Variants in ITGB4 observed in about 807,000 individuals in gnomAD.
The protein encoded by ITGB4 is integrin beta-4.
In ITGB4, 159 loss-of-function variants were observed where a neutral mutation model predicts 207.6. The observed-to-expected ratio is 0.77, with a 90% CI of 0.67 to 0.87. The LOEUF is 0.87. ITGB4 is among the 40% of genes least tolerant of loss of function. The pLI is 0.00. For synonymous variants in ITGB4, 1,020 were observed against 1,062.7 expected (o/e 0.96, Z 0.78); for missense variants, 2,278 against 2,546.8 (o/e 0.89, Z 2.27).
rs929000857 is a variant in ITGB4, at chr17:75,755,758, T to C, written c.4616T>C (p.Leu1539Pro). The C allele has an allele frequency of 2.5e-6, 4 of 1,612,730 alleles. No individual in the cohort carries two copies. Among genetic ancestry groups the C allele is most frequent in the Non-Finnish European group, 3.4e-6 (4 of 1,179,952 alleles). ...CCCACCCGCCTGGTGTTCTCTGCCC[T>C]GGGGCCCACATCTCTCAGAGTGAGC... ...DTPTRLVFSALGPTSLRVSWQ... is the reference protein window; with the variant it reads ...DTPTRLVFSAPGPTSLRVSWQ... The change falls in exon 35 of 40, where the codon CTG becomes CCG. Residue 1539 changes from leucine to proline, a missense_variant. Transcript: ENST00000200181.
chr17:75,756,957 T>C lies in ITGB4; in HGVS notation c.5068T>C (p.Phe1690Leu), dbSNP rs766047450. 6.2e-7 allele frequency: 1 copy of C among 1,612,644 alleles called. No individual in the cohort carries two copies. The highest frequency in any genetic ancestry group is 2.2e-5 in the East Asian group (1 of 44,854). Residue 1690 changes from phenylalanine to leucine, a missense_variant, in exon 38 of 40, where the codon TTC (phenylalanine) becomes CTC (leucine). Transcript: ENST00000200181. ...MAQGGGPATA[F>L]RVDGDSPESR... ...TCCCTGCTCAGGGCCAGCCACCGCATTCCGGGTGGATGGAGACAGCCCCGA... is the reference window on the plus strand; with the variant it reads ...TCCCTGCTCAGGGCCAGCCACCGCACTCCGGGTGGATGGAGACAGCCCCGA...
chr17:75,749,126 C>A, intron 27 of ITGB4, 81 bp downstream of exon 27: 2 of 1,133,752 alleles, frequency 1.8e-6, no homozygotes, highest in Non-Finnish European at 1.3e-6. Flanking sequence ...TCAGACTTAG[C>A]AAATCCAAAC....
At chr17:75,735,308 G>C (rs2148494292) in intron 13 of ITGB4, among the ~76,000 whole-genome samples, 1 of 151,992 alleles carries the variant, frequency 6.6e-6, no homozygotes, top group African/African-American at 2.4e-5. Context: ...GGCTGGTCTT[G>C]AACTCCTGAG....
chr17:75,741,085 C>A, intron 23 of ITGB4, 80 bp downstream of exon 23: 1 of 1,492,494 alleles, frequency 6.7e-7, no homozygotes, highest in Non-Finnish European at 9.2e-7. Flanking sequence ...TCGTCCGTCC[C>A]TACTCCATCT....
chr17:75,726,503 G>C (rs561681452), intron 2 of ITGB4, among the ~76,000 whole-genome samples: 2 of 152,050 alleles, frequency 1.3e-5, no homozygotes, highest in Admixed American at 1.3e-4. Context: ...AGGCTGAGGC[G>C]GGCAGATGAT....
chr17:75,744,113 CTCT>C (rs1314004535), intron 26 of ITGB4, among the ~76,000 whole-genome samples: 1 of 136,694 alleles, frequency 7.3e-6, no homozygotes, highest in African/African-American at 2.8e-5. Context: ...AGAGGGCTCG[CTCT>C]TTTTTTTTTT....
chr17:75,727,528 TG>T lies in ITGB4; in HGVS notation c.264+28del. The T allele has an allele frequency of 2.5e-6, 4 of 1,610,064 alleles. No individual in the cohort carries two copies. The highest frequency in any genetic ancestry group is 3.4e-6 in the Non-Finnish European group (4 of 1,177,812). On this transcript the variant is annotated intron_variant, in intron 4 of 39. Coordinates refer to ENST00000200181, the MANE Select transcript of ITGB4 (RefSeq NM_000213.5). This position sits in a 1 kb window ranked among gnomAD's most constrained non-coding sequence, Gnocchi z 6.0. ...GAGGTGCCTGGTGTGGGGACTGGGG[TG>T]GGGGCTCCCCATGCTCAGCCTGGCT...
rs758783855 is a variant in ITGB4 at position 75,732,131 on chromosome 17, G to A, written c.1378-32G>A. On this transcript the variant is annotated intron_variant, in intron 11 of 39. Transcript: ENST00000200181. This position sits in a 1 kb window ranked among gnomAD's most constrained non-coding sequence, Gnocchi z 5.3. Reference sequence around the variant, plus strand: ...CCAGTGGCCCCGGTCCTGCTCCCCCGACGCACCCCACCATGGTCTCTCTCA... The same window carrying A: ...CCAGTGGCCCCGGTCCTGCTCCCCCAACGCACCCCACCATGGTCTCTCTCA... The A allele has an allele frequency of 5.6e-6, 9 of 1,613,248 alleles. No individual in the cohort carries two copies. The highest frequency in any genetic ancestry group is 7.6e-6 in the Non-Finnish European group (9 of 1,179,552).
Position 75,746,765 on chromosome 17 carries a change from C to A in ITGB4, c.3112-2076C>A, listed in dbSNP as rs573560970. On this transcript the variant is annotated intron_variant, in intron 26 of 39. Transcript: ENST00000200181. ...GACCAGCCTGGCCAACATGGCGAAA[C>A]CCTGTCTGTACCAAAAATACAGAAA... Among the ~76,000 whole-genome samples the A allele has an allele frequency of 3.3e-5, 5 of 151,686 alleles. No individual in the cohort carries two copies. In the South Asian group the frequency reaches 1.0e-3, roughly 32 times the overall value.
intron 25 of ITGB4, among the ~76,000 whole-genome samples, chr17:75,743,242 T>C (rs1379994667): frequency 6.6e-6 from 1 of 152,106 alleles, no homozygotes; most frequent in African/African-American, 2.4e-5. Context: ...AACCACTTTT[T>C]TTTTTCTTGG....
At chr17:75,741,145 C>A in intron 23 of ITGB4, 140 bp downstream of exon 23, 1 of 943,108 alleles carries the variant, frequency 1.1e-6, no homozygotes, top group South Asian at 1.4e-5. Flanking sequence ...TTCGGACCTT[C>A]ATTCGTTCCT....
chr17:75,757,439 C>A lies in ITGB4; in HGVS notation c.5353C>A (p.His1785Asn), dbSNP rs375287185. The A allele has an allele frequency of 6.2e-7, 1 of 1,613,248 alleles. No individual in the cohort carries two copies. The highest frequency in any genetic ancestry group is 8.5e-7 in the Non-Finnish European group (1 of 1,180,016). Reference protein sequence around the residue: ...LVDGLTLGAQHLEAGGSLTRH... With the variant: ...LVDGLTLGAQNLEAGGSLTRH... ...AGATGGGCTGACCCTGGGGGCCCAG[C>A]ACCTGGAGGCAGGCGGCTCCCTCAC... is the stretch of plus-strand genomic sequence containing the variant. The change falls in exon 40 of 40, where the codon CAC becomes AAC. Residue 1785 changes from histidine (H) to asparagine (N), a missense_variant. Transcript: ENST00000200181.
Position 75,740,524 on chromosome 17 carries a change from G to T in ITGB4, c.2550+63G>T. 7.4e-7 allele frequency: 1 copy of T among 1,357,564 alleles called. No homozygotes were observed. The highest frequency in any genetic ancestry group is 1.2e-5 in the South Asian group (1 of 85,044). The allele number at this position is 1,357,564 out of a possible 1,614,324, so 84.1% of individuals were successfully genotyped here. On this transcript the variant is annotated intron_variant, in intron 21 of 39. Coordinates refer to ENST00000200181, the MANE Select transcript of ITGB4 (RefSeq NM_000213.5). The surrounding 1 kb of genome is among the most constrained non-coding windows in gnomAD (Gnocchi z 5.9). The stretch of plus-strand genomic sequence containing the variant: ...GTATGAGGGCGGGTGAGGTGGGCAG[G>T]GCAGAGCGAATGCGGTCGTGGTACC...
chr17:75,756,100 C>T (rs1054649247), intron 35 of ITGB4, among the ~76,000 whole-genome samples: 4 of 152,210 alleles, frequency 2.6e-5, no homozygotes, highest in African/African-American at 7.2e-5. Flanking sequence ...CTAACAAGGC[C>T]CCTTTGGGCT....
chr17:75,732,233 AG>A lies in ITGB4; in HGVS notation c.1451del (p.Gly484AlafsTer14). On this transcript the variant is annotated frameshift_variant, in exon 12 of 40. Coordinates refer to ENST00000200181, the MANE Select transcript of ITGB4 (RefSeq NM_000213.5). LOFTEE classifies it high-confidence loss of function. The surrounding 1 kb of genome is among the most constrained non-coding windows in gnomAD (Gnocchi z 5.3). ...DFVCGQCVCSEGWSGQTCNCS... is the reference protein window; with the variant it reads ...DFVCGQCVCSXGWSGQTCNCS... Reference sequence around the variant, plus strand: ...GTGTGCGGACAGTGTGTGTGCAGCGAGGGCTGGTGAGTGGGGAAGGGAGTTG... The same window carrying A: ...GTGTGCGGACAGTGTGTGTGCAGCGAGGCTGGTGAGTGGGGAAGGGAGTTG... 2 of 1,613,922 alleles carry A rather than the reference AG, an allele frequency of 1.2e-6. No individual in the cohort carries two copies. Among genetic ancestry groups the A allele is most frequent in the Non-Finnish European group, 1.7e-6 (2 of 1,180,008 alleles).
At chr17:75,755,651 T>G in intron 34 of ITGB4, 50 bp from the exon 35 acceptor site, 4 of 1,609,372 alleles carry the variant, frequency 2.5e-6, no homozygotes, top group Non-Finnish European at 2.5e-6. Context: ...TGACTCCCAC[T>G]GAGACCCTAG....
In ITGB4 at chr17:75,757,210, G is replaced by A. The variant is rs140140182; in HGVS notation, c.5229G>A (p.Pro1743=). The change falls in exon 39 of 40, where the codon CCG becomes CCA. Residue 1743 remains proline, a synonymous_variant. Coordinates refer to ENST00000200181, the MANE Select transcript of ITGB4 (RefSeq NM_000213.5). ...TIESQDGGPF[P]QLGSRAGLFQ... ...ATCTGCCCACCCCAGGACCCTTCCC[G>A]CAGCTGGGCAGCCGTGCCGGGCTCT... 413 of 1,611,192 alleles carry A rather than the reference G, an allele frequency of 2.6e-4. No homozygotes were observed. The highest frequency in any genetic ancestry group is 3.0e-4 in the Non-Finnish European group (358 of 1,179,700).
rs774840240 is a variant in ITGB4, at chr17:75,737,327, G to C, written c.1996G>C (p.Glu666Gln). Residue 666 changes from glutamate to glutamine, a missense_variant, in exon 17 of 40, where the codon GAG becomes CAG. Glu to Gln is a conservative substitution (Grantham distance 29). Coordinates refer to ENST00000200181, the MANE Select transcript of ITGB4 (RefSeq NM_000213.5). Reference sequence around the variant, plus strand: ...CTGACTGGCTGTGGGTACAGCCGAGGAGGTGGTGGTGCGCTGCTCCTTCCG... The same window carrying C: ...CTGACTGGCTGTGGGTACAGCCGAGCAGGTGGTGGTGCGCTGCTCCTTCCG... Reference protein sequence around the residue: ...KMVDELKRAEEVVVRCSFRDE... With the variant: ...KMVDELKRAEQVVVRCSFRDE... 1 of 1,592,164 alleles carries C rather than the reference G, an allele frequency of 6.3e-7. No individual in the cohort carries two copies. The highest frequency in any genetic ancestry group is 2.3e-5 in the East Asian group (1 of 43,454).
chr17:75,728,523 AC>A (rs573918026), intron 6 of ITGB4, 50 bp downstream of exon 6: 16 of 1,381,586 alleles, frequency 1.2e-5, no homozygotes, highest in Non-Finnish European at 1.7e-5. Context: ...AGGCCATGTG[AC>A]CCCCACTCCT....
Sources: gnomAD v4.1 joint callset for allele counts (sites outside exome capture counted in the v4.1 genomes callset) on GRCh38, gnomAD v4.1.1 for gene constraint, Gnocchi (gnomAD v3.1) non-coding constraint, MANE v1.5 for transcripts, NCBI Gene and HGNC (gene_info 2026-07-23, HGNC 2026-07-21) for gene names.